Variants in DLGAP1 observed in about 807,000 individuals in gnomAD.
The protein encoded by DLGAP1 is disks large-associated protein 1.
In DLGAP1, 11 loss-of-function variants were observed where a neutral mutation model predicts 90.8. The observed-to-expected ratio is 0.12, with a 90% CI of 0.08 to 0.20. DLGAP1 has a LOEUF of 0.20. Ranked by LOEUF, DLGAP1 falls within the 10% of genes least tolerant of loss-of-function variation. The pLI is 1.00. For synonymous variants in DLGAP1, 558 were observed against 540.7 expected, an observed-to-expected ratio of 1.03 and a Z score of -0.44; for missense variants, 1,050 against 1,333.8, an observed-to-expected ratio of 0.79 and a Z score of 3.31.
At chr18:4,003,836 A>G (rs1241098451) in intron 3 of DLGAP1, among the ~76,000 whole-genome samples, 2 of 152,234 alleles carry the variant, frequency 1.3e-5, no homozygotes, top group Non-Finnish European at 2.9e-5. Flanking sequence ...TTAATGCTCT[A>G]TATGAATGCC....
intron 1 of DLGAP1, among the ~76,000 whole-genome samples, chr18:4,368,359 A>G (rs145578148): frequency 5.0e-4 from 76 of 152,308 alleles, no homozygotes; most frequent in African/African-American, 1.3e-3. Flanking sequence ...CTGTGAAGGT[A>G]GGCTTTTTTA....
In DLGAP1 at chr18:3,880,016, G is replaced by A. The variant is rs755314290; in HGVS notation, c.53C>T (p.Ser18Leu). ...GTGGTGCGACAGCGAGTCACAGGCCGAGTCGCAGGTGACCCCGTGGTGATG... is the reference window on the plus strand; with the variant it reads ...GTGGTGCGACAGCGAGTCACAGGCCAAGTCGCAGGTGACCCCGTGGTGATG... ...RSHHHGVTCDSACDSLSHHSD... is the reference protein window; with the variant it reads ...RSHHHGVTCDLACDSLSHHSD... Residue 18 changes from serine to leucine, a missense_variant, in exon 4 of 13, where the codon TCG (serine) becomes TTG (leucine). By Grantham distance (145) the Ser-to-Leu change is moderately radical (BLOSUM62 -2). This residue lies in a region of DLGAP1 where 485 missense variants were observed against 454.1 expected (regional missense o/e 1.07). Coordinates refer to ENST00000315677, the MANE Select transcript of DLGAP1 (RefSeq NM_004746.4). The A allele has an allele frequency of 1.2e-5, 19 of 1,608,586 alleles. No homozygotes were observed. The highest frequency in any genetic ancestry group is 1.5e-5 in the Non-Finnish European group (18 of 1,179,888).
intron 1 of DLGAP1, among the ~76,000 whole-genome samples, chr18:4,310,649 AC>A (rs1161016271): frequency 6.6e-6 from 1 of 152,118 alleles, no homozygotes; most frequent in Non-Finnish European, 1.5e-5. Context: ...GGGAACAAGA[AC>A]CCTCTTATTC....
chr18:4,411,076 A>G lies in DLGAP1; in HGVS notation c.-267+43930T>C, dbSNP rs149795329. 7.6e-3 allele frequency among the ~76,000 whole-genome samples: 1,159 copies of G among 152,292 alleles called. 19 individuals carry two copies. Among genetic ancestry groups the G allele is most frequent in the African/African-American group, 0.027 (1,104 of 41,560 alleles). On this transcript the variant is annotated intron_variant, in intron 1 of 12. Transcript: ENST00000315677. ...CGGGTTTGGCTGAGGCCTTTGGTGCAACTGCATCTTAGTTCAAATTCTCCC... is the reference window on the plus strand; with the variant it reads ...CGGGTTTGGCTGAGGCCTTTGGTGCGACTGCATCTTAGTTCAAATTCTCCC...
At chr18:3,860,372 G>A (rs547430218) in intron 4 of DLGAP1, among the ~76,000 whole-genome samples, 40 of 152,228 alleles carry the variant, frequency 2.6e-4, no homozygotes, top group Middle Eastern at 6.8e-3. Context: ...CCAAGCATTG[G>A]TCTGCACCTT....
At chr18:4,213,057 A>C in intron 1 of DLGAP1, among the ~76,000 whole-genome samples, 1 of 152,192 alleles carries the variant, frequency 6.6e-6, no homozygotes, top group East Asian at 1.9e-4. Context: ...TTGTTTGCTT[A>C]TTAATTGAGC....
intron 3 of DLGAP1, among the ~76,000 whole-genome samples, chr18:3,894,198 G>A (rs943374674): frequency 1.3e-5 from 2 of 152,128 alleles, no homozygotes; most frequent in Non-Finnish European, 2.9e-5. Flanking sequence ...TTGCTGTACA[G>A]AAGCTTTTTA....
intron 1 of DLGAP1, among the ~76,000 whole-genome samples, chr18:4,180,252 GACACTAGTGTTTGGCTTCAGTT>G (rs1420741015): frequency 6.6e-6 from 1 of 152,126 alleles, no homozygotes; most frequent in Non-Finnish European, 1.5e-5. Context: ...CAGCACTCCT[GACACTAGTGTTTGGCTTCAGTT>G]ACACTCATCC....
At chr18:3,990,661 AAT>A (rs1237820989) in intron 3 of DLGAP1, among the ~76,000 whole-genome samples, 17 of 148,524 alleles carry the variant, frequency 1.1e-4, no homozygotes, top group Non-Finnish European at 2.1e-4. Flanking sequence ...TAATAATAAT[AAT>A]AAAAAGAAAT....
intron 1 of DLGAP1, among the ~76,000 whole-genome samples, chr18:4,360,799 C>T (rs1327780648): frequency 6.6e-5 from 10 of 151,962 alleles, no homozygotes; most frequent in African/African-American, 2.2e-4. Flanking sequence ...GCCAACATGG[C>T]AAAACCCTGT....
chr18:4,444,588 G>A (rs118007401), intron 1 of DLGAP1, among the ~76,000 whole-genome samples: 1,598 of 152,306 alleles, frequency 0.01, 12 homozygotes, highest in Non-Finnish European at 0.015. Context: ...GCAAGTTGCT[G>A]TCAGTGTCAT....
intron 1 of DLGAP1, among the ~76,000 whole-genome samples, chr18:4,432,590 G>GTGTGTGTGTGTGTA (rs1555618000): frequency 8.5e-3 from 321 of 37,838 alleles, no homozygotes; most frequent in African/African-American, 0.021. Context: ...ACCTCACATA[G>GTGTGTGTGTGTGTA]TGTGTGTGTG....
At chr18:4,277,311 T>C (rs2079438937) in intron 1 of DLGAP1, among the ~76,000 whole-genome samples, 1 of 152,224 alleles carries the variant, frequency 6.6e-6, no homozygotes. Flanking sequence ...GCTTAAAGAA[T>C]TCTTGAATTT....
intron 5 of DLGAP1, among the ~76,000 whole-genome samples, chr18:3,779,036 A>T (rs1354234607): frequency 6.6e-6 from 1 of 152,070 alleles, no homozygotes; most frequent in Non-Finnish European, 1.5e-5. Flanking sequence ...CCCAAAGACC[A>T]CCGTTCCTTT....
intron 2 of DLGAP1, among the ~76,000 whole-genome samples, chr18:4,142,096 TA>T (rs1431033167): frequency 2.0e-5 from 3 of 152,144 alleles, no homozygotes; most frequent in Non-Finnish European, 4.4e-5. Context: ...AGTCCTTTTT[TA>T]AAATAATTCT....
chr18:3,694,453 A>T (rs541506197), intron 7 of DLGAP1, among the ~76,000 whole-genome samples: 1 of 152,078 alleles, frequency 6.6e-6, no homozygotes, highest in East Asian at 1.9e-4. Flanking sequence ...ATCCTTGAGG[A>T]TCTACACTGT....
chr18:3,527,733 G>T (rs1418550833), intron 10 of DLGAP1, among the ~76,000 whole-genome samples: 2 of 151,768 alleles, frequency 1.3e-5, no homozygotes, highest in Non-Finnish European at 2.9e-5. Flanking sequence ...TGGGACCACA[G>T]GTGCATGCCA....
At chr18:4,068,943 G>A (rs546836843) in intron 2 of DLGAP1, among the ~76,000 whole-genome samples, 1 of 152,270 alleles carries the variant, frequency 6.6e-6, no homozygotes, top group South Asian at 2.1e-4. Context: ...GTGCTGCTTA[G>A]TGGCAAGGCT....
chr18:3,664,209 CACACA>C (rs2146642619), intron 7 of DLGAP1, among the ~76,000 whole-genome samples: 1 of 128,782 alleles, frequency 7.8e-6, no homozygotes, highest in African/African-American at 3.5e-5. Flanking sequence ...CACACACACA[CACACA>C]CACCCACACA....
Sources: allele counts gnomAD v4.1 joint callset (sites outside exome capture counted in the v4.1 genomes callset), GRCh38; gene constraint gnomAD v4.1.1; regional missense constraint gnomAD v4.1.1; transcripts MANE v1.5; gene names NCBI Gene and HGNC (gene_info 2026-07-23, HGNC 2026-07-21).